Variants in TNFRSF12A observed in about 807,000 individuals in gnomAD.
The protein encoded by TNFRSF12A is TNF receptor superfamily member 12A.
A neutral mutation model predicts 15.5 loss-of-function variants in TNFRSF12A; 13 were observed. The observed-to-expected ratio is 0.84, with a 90% CI of 0.54 to 1.33. The LOEUF is 1.33. Ranked by LOEUF, TNFRSF12A falls within the 40% of genes most tolerant of loss-of-function variation. The pLI, the probability that TNFRSF12A is intolerant of heterozygous loss-of-function variation, is 0.00. For synonymous variants in TNFRSF12A, 89 were observed against 78.4 expected (o/e 1.14, Z -0.71); for missense variants, 174 against 173.6 (o/e 1.00, Z -0.01).
chr16:3,020,595 T>A (rs1482773836), intron 1 of TNFRSF12A, 104 bp downstream of exon 1: 1 of 860,566 alleles, frequency 1.2e-6, no homozygotes, highest in East Asian at 3.3e-5. Context: ...GATGTGGGGA[T>A]CTGGGGTCAG....
chr16:3,021,146 G>T, intron 1 of TNFRSF12A, 69 bp from the exon 2 acceptor site: 1 of 818,438 alleles, frequency 1.2e-6, no homozygotes, highest in South Asian at 1.9e-5. Flanking sequence ...CGAGCCGGCC[G>T]ACCCTGACCT....
In TNFRSF12A at chr16:3,021,261, C is replaced by G. The variant is rs1282445602; in HGVS notation, c.141C>G (p.Asp47Glu). ...GCAGCTCCTGGAGCGCGGACCTGGA[C>G]AAGTGCATGGACTGCGCGTCTTGCA... is the stretch of plus-strand genomic sequence containing the variant. ...SRGSSWSADL[D>E]KCMDCASCRA... is the part of the protein sequence containing the mutation. The change falls in exon 2 of 4, where the codon GAC (aspartate) becomes GAG (glutamate). Residue 47 changes from aspartate (D) to glutamate (E), a missense_variant. Coordinates refer to ENST00000326577, the MANE Select transcript of TNFRSF12A (RefSeq NM_016639.3). 16 of 1,594,302 alleles carry G rather than the reference C, an allele frequency of 1.0e-5. No homozygotes were observed. The highest frequency in any genetic ancestry group is 1.3e-5 in the Non-Finnish European group (15 of 1,175,654).
chr16:3,021,439 G>T, intron 2 of TNFRSF12A, 116 bp from the exon 3 acceptor site: 1 of 1,422,436 alleles, frequency 7.0e-7, no homozygotes, highest in Non-Finnish European at 9.3e-7. Context: ...GGTGGGAGCT[G>T]GGAGGGGGCT....
At chr16:3,021,481 G>T in intron 2 of TNFRSF12A, 74 bp from the exon 3 acceptor site, 1 of 1,471,248 alleles carries the variant, frequency 6.8e-7, no homozygotes, top group Non-Finnish European at 9.0e-7. Context: ...TTTGGGAGAA[G>T]GCAGAAGGCT....
Position 3,021,841 on chromosome 16 carries a change from C to T in TNFRSF12A, c.*15C>T, listed in dbSNP as rs928409135. ...TGATCCAGTGACAATGTGCCCCCTG[C>T]CAGCCGGGGCTCGCCCACTCATCAT... On this transcript the variant is annotated 3_prime_UTR_variant, in exon 4 of 4. Transcript: ENST00000326577. 8 of 1,610,760 alleles carry T rather than the reference C, an allele frequency of 5.0e-6. No individual in the cohort carries two copies. The highest frequency in any genetic ancestry group is 6.8e-6 in the Non-Finnish European group (8 of 1,179,078).
In TNFRSF12A at chr16:3,021,296, C is replaced by A; in HGVS notation, c.176C>A (p.Pro59Gln). 6.3e-7 allele frequency: 1 copy of A among 1,585,962 alleles called. No individual in the cohort carries two copies. Among genetic ancestry groups the A allele is most frequent in the Non-Finnish European group, 8.5e-7 (1 of 1,171,560 alleles). ...GACTGCGCGTCTTGCAGGGCGCGACCGCACAGCGACTTCTGCCTGGGCTGT... is the reference window on the plus strand; with the variant it reads ...GACTGCGCGTCTTGCAGGGCGCGACAGCACAGCGACTTCTGCCTGGGCTGT... ...CMDCASCRAR[P>Q]HSDFCLGCAA... is the part of the protein sequence containing the mutation. The change falls in exon 2 of 4, where the codon CCG becomes CAG. Residue 59 changes from proline to glutamine, a missense_variant. Transcript: ENST00000326577.
chr16:3,021,519 A>G, intron 2 of TNFRSF12A, 36 bp from the exon 3 acceptor site: 1 of 1,559,326 alleles, frequency 6.4e-7, no homozygotes, highest in East Asian at 2.3e-5. Flanking sequence ...GCTGGCCTGG[A>G]GAGGGGCGAG....
At chr16:3,021,128 A>C in intron 1 of TNFRSF12A, 87 bp from the exon 2 acceptor site, 2 of 676,432 alleles carry the variant, frequency 3.0e-6, no homozygotes, top group Non-Finnish European at 4.7e-6. Context: ...CCGGTGACTC[A>C]CGTTATTCGA....
Position 3,021,789 on chromosome 16 carries a change from G to A in TNFRSF12A, c.353G>A (p.Gly118Asp). 1 of 1,613,268 alleles carries A rather than the reference G, an allele frequency of 6.2e-7. No homozygotes were observed. Among genetic ancestry groups the A allele is most frequent in the Non-Finnish European group, 8.5e-7 (1 of 1,179,748 alleles). The change falls in exon 4 of 4, where the codon GGC becomes GAC. Residue 118 changes from glycine to aspartate, a missense_variant. Physicochemically the swap from Gly to Asp is moderately conservative, Grantham distance 94. Transcript: ENST00000326577. The stretch of plus-strand genomic sequence containing the variant: ...CTTGCAGCCCCCATAGAGGAGACCG[G>A]CGGAGAGGGCTGCCCAGCTGTGGCG... ...EKFTTPIEET[G>D]GEGCPAVALI...
intron 2 of TNFRSF12A, 69 bp from the exon 3 acceptor site, chr16:3,021,486 A>G (rs2072610978): frequency 6.8e-7 from 1 of 1,473,800 alleles, no homozygotes; most frequent in Non-Finnish European, 9.0e-7. Flanking sequence ...GAGAAGGCAG[A>G]AGGCTCAGTC....
chr16:3,020,579 C>G (rs749358234), intron 1 of TNFRSF12A, 88 bp downstream of exon 1: 3 of 1,007,004 alleles, frequency 3.0e-6, no homozygotes, highest in African/African-American at 1.7e-5. Context: ...ACTGGGGGAA[C>G]AGGCGGATGT....
At chr16:3,020,731 GTCC>G (rs2072602221) in intron 1 of TNFRSF12A, 1 of 399,608 alleles carries the variant, frequency 2.5e-6, no homozygotes, top group African/African-American at 2.1e-5. Flanking sequence ...AGTTCCACAA[GTCC>G]GAAGTACTTC....
Position 3,021,695 on chromosome 16 carries a change from T to C in TNFRSF12A, c.334+6T>C. ...CAGGAGAGAGAAGTTCACCAGTAAG[T>C]GTGCCCTGGCCTGCCCAGCCCTGTC... On this transcript the variant is annotated splice_donor_region_variant and intron_variant, in intron 3 of 3. Coordinates refer to ENST00000326577, the MANE Select transcript of TNFRSF12A (RefSeq NM_016639.3). 1 of 1,613,512 alleles carries C rather than the reference T, an allele frequency of 6.2e-7. No individual in the cohort carries two copies. Among genetic ancestry groups the C allele is most frequent in the Non-Finnish European group, 8.5e-7 (1 of 1,179,788 alleles).
At chr16:3,020,521 CG>C in intron 1 of TNFRSF12A, 30 bp downstream of exon 1, 1 of 1,274,380 alleles carries the variant, frequency 7.8e-7, no homozygotes, top group Non-Finnish European at 9.9e-7. Flanking sequence ...CGGGGAACCC[CG>C]GGCCGGGGCT....
chr16:3,020,541 G>A (rs2072600470), intron 1 of TNFRSF12A, 50 bp downstream of exon 1: 1 of 1,222,428 alleles, frequency 8.2e-7, no homozygotes. Flanking sequence ...CTCGGGAGCC[G>A]GACTGGGTGT....
intron 3 of TNFRSF12A, 40 bp from the exon 4 acceptor site, chr16:3,021,731 C>A (rs746587430): frequency 3.3e-5 from 53 of 1,610,836 alleles, no homozygotes; most frequent in Admixed American, 6.7e-5. Flanking sequence ...AGCACTCGAC[C>A]TTTTCTCTGC....
chr16:3,021,145 C>G, intron 1 of TNFRSF12A, 70 bp from the exon 2 acceptor site: 2 of 807,944 alleles, frequency 2.5e-6, no homozygotes, highest in Non-Finnish European at 3.7e-6. Context: ...TCGAGCCGGC[C>G]GACCCTGACC....
Position 3,021,936 on chromosome 16 carries a change from G to C in TNFRSF12A, c.*110G>C, listed in dbSNP as rs2072616402. 3 of 1,220,240 alleles carry C rather than the reference G, an allele frequency of 2.5e-6. No homozygotes were observed. The highest frequency in any genetic ancestry group is 3.0e-5 in the African/African-American group (2 of 66,400). 75.6% of individuals were successfully genotyped at this position (1,220,240 alleles called of 1,614,324 possible). The stretch of plus-strand genomic sequence containing the variant: ...GGGAGCCAAGCTCCTCCAACCACAA[G>C]GGGGGTGGGGGGCGGTGAATCACCT... On this transcript the variant is annotated 3_prime_UTR_variant, in exon 4 of 4. Transcript: ENST00000326577.
intron 1 of TNFRSF12A, chr16:3,020,976 G>A (rs768261800): frequency 2.0e-6 from 1 of 491,116 alleles, no homozygotes; most frequent in East Asian, 3.5e-5. Context: ...GTGCCCAGGA[G>A]TGAGTCACCC....
Sources: gnomAD v4.1 joint callset for allele counts on GRCh38, gnomAD v4.1.1 for gene constraint, MANE v1.5 for transcripts, NCBI Gene and HGNC (gene_info 2026-07-23, HGNC 2026-07-21) for gene names.